EEIG1: variants seen among roughly 807,000 people sequenced by gnomAD.
The protein encoded by EEIG1 is estrogen-induced osteoclastogenesis regulator 1.
chr9:127,965,820 T>C, the EEIG1 span, among the ~76,000 whole-genome samples: 1 of 152,228 alleles, frequency 6.6e-6, no homozygotes, highest in Admixed American at 6.5e-5. Context: ...AAGGCGTCCG[T>C]CCAGGGGCTG....
the EEIG1 span, among the ~76,000 whole-genome samples, chr9:127,969,379 AG>A: frequency 6.6e-6 from 1 of 152,188 alleles, no homozygotes; most frequent in Non-Finnish European, 1.5e-5. Flanking sequence ...GGACAGAGGG[AG>A]GAATATGGAC....
chr9:127,961,846 C>T, the EEIG1 span, among the ~76,000 whole-genome samples: 18 of 148,552 alleles, frequency 1.2e-4, no homozygotes, highest in Non-Finnish European at 2.4e-4. Flanking sequence ...ATGTCTGTCG[C>T]GTTTGAGGAG....
chr9:127,949,763 C>T, the EEIG1 span, among the ~76,000 whole-genome samples: 2 of 152,202 alleles, frequency 1.3e-5, no homozygotes, highest in African/African-American at 2.4e-5. Flanking sequence ...GTTTTCCCGG[C>T]CAGGTGAAAG....
At chr9:127,948,526 G>C in the EEIG1 span, 13 of 1,039,392 alleles carry the variant, frequency 1.3e-5, no homozygotes, top group South Asian at 1.2e-4. Context: ...TTCCAATCCT[G>C]TCTCTCTGCC....
the EEIG1 span, among the ~76,000 whole-genome samples, chr9:127,954,079 A>G: frequency 6.6e-6 from 1 of 152,234 alleles, no homozygotes; most frequent in African/African-American, 2.4e-5. Flanking sequence ...TTTCACCACA[A>G]GAATGTACTC....
the EEIG1 span, among the ~76,000 whole-genome samples, chr9:127,959,252 T>C: frequency 6.6e-6 from 1 of 152,186 alleles, no homozygotes; most frequent in Non-Finnish European, 1.5e-5. Flanking sequence ...AACCCAAATG[T>C]CCATCAACTG....
the EEIG1 span, chr9:127,944,587 C>T: frequency 1.3e-5 from 21 of 1,579,584 alleles, no homozygotes; most frequent in East Asian, 2.2e-5. Flanking sequence ...CCAGCCGCCC[C>T]GACGACCCCT....
the EEIG1 span, among the ~76,000 whole-genome samples, chr9:127,966,022 C>T: frequency 6.6e-6 from 1 of 152,236 alleles, no homozygotes; most frequent in Non-Finnish European, 1.5e-5. Flanking sequence ...TCTTTGTTCC[C>T]CTGCCAAAGA....
the EEIG1 span, chr9:127,940,621 C>T: frequency 1.3e-5 from 2 of 152,060 alleles, no homozygotes; most frequent in Non-Finnish European, 1.5e-5. Context: ...CTCCCCAAAC[C>T]AAGACGCTGA....
chr9:127,947,138 T>A, the EEIG1 span, among the ~76,000 whole-genome samples: 1 of 151,512 alleles, frequency 6.6e-6, no homozygotes, highest in African/African-American at 2.4e-5. Flanking sequence ...CCGGGCGCGG[T>A]GGCTCACGCC....
At chr9:127,962,853 A>G in the EEIG1 span, among the ~76,000 whole-genome samples, 2 of 151,834 alleles carry the variant, frequency 1.3e-5, no homozygotes, top group Non-Finnish European at 2.9e-5. Context: ...ACATAACAAG[A>G]CCCCACCTTG....
chr9:127,977,901 A>G, the EEIG1 span, among the ~76,000 whole-genome samples: 110 of 152,338 alleles, frequency 7.2e-4, no homozygotes, highest in East Asian at 0.02. Context: ...TAAAACAGGG[A>G]GCCCAGCACC....
the EEIG1 span, among the ~76,000 whole-genome samples, chr9:127,965,081 C>G: frequency 1.4e-5 from 2 of 142,776 alleles, no homozygotes; most frequent in Non-Finnish European, 3.0e-5. Context: ...CGCACTCCAG[C>G]CTGGGTGACA....
chr9:127,955,172 A>T, the EEIG1 span, among the ~76,000 whole-genome samples: 11 of 152,192 alleles, frequency 7.2e-5, no homozygotes, highest in Admixed American at 5.9e-4. Flanking sequence ...TGACCCGAGG[A>T]GAGTGGGTTA....
the EEIG1 span, among the ~76,000 whole-genome samples, chr9:127,979,776 G>C: frequency 2.0e-5 from 3 of 152,224 alleles, 1 homozygote; most frequent in Non-Finnish European, 4.4e-5. Context: ...CCCAAGAGAA[G>C]GCTGAAAGAC....
chr9:127,980,148 C>T, the EEIG1 span: 1 of 1,610,302 alleles, frequency 6.2e-7, no homozygotes, highest in Non-Finnish European at 8.5e-7. Context: ...GAGCGAGTTC[C>T]CTGAGTCTGA....
the EEIG1 span, chr9:127,948,125 T>C: frequency 1.2e-6 from 2 of 1,613,634 alleles, no homozygotes; most frequent in African/African-American, 2.7e-5. Flanking sequence ...GTCAGGGAGT[T>C]GGTGCTGCTG....
the EEIG1 span, chr9:127,953,324 A>G: frequency 1.8e-6 from 1 of 552,402 alleles, no homozygotes; most frequent in Non-Finnish European, 3.2e-6. Context: ...AGAGGCCTGG[A>G]GAGAGGAAAG....
chr9:127,979,172 C>G, the EEIG1 span, among the ~76,000 whole-genome samples: 1 of 152,326 alleles, frequency 6.6e-6, no homozygotes, highest in East Asian at 1.9e-4. Flanking sequence ...CTCGCTGCTG[C>G]AGCTTCTCCA....
Sources: gnomAD v4.1 joint callset for allele counts (sites outside exome capture counted in the v4.1 genomes callset) on GRCh38, gnomAD v4.1.1 for gene constraint, MANE v1.5 for transcripts, NCBI Gene and HGNC (gene_info 2026-07-23, HGNC 2026-07-21) for gene names.